AP3D1: variants seen among roughly 807,000 people sequenced by gnomAD.
AP3D1 encodes AP-3 complex subunit delta-1.
A neutral mutation model predicts 147.6 loss-of-function variants in AP3D1; 51 were observed. The observed-to-expected ratio is 0.35, with a 90% confidence interval of 0.28 to 0.44. AP3D1 has a LOEUF of 0.44. AP3D1 is among the 20% of genes least tolerant of loss of function. The pLI, the probability that AP3D1 is intolerant of heterozygous loss-of-function variation, is 1.00. For missense variants in AP3D1, 1,421 were observed against 1,624.2 expected, an observed-to-expected ratio of 0.87 and a Z score of 2.15; for synonymous variants, 760 against 663.0, an observed-to-expected ratio of 1.15 and a Z score of -2.25.
intron 1 of AP3D1, among the ~76,000 whole-genome samples, chr19:2,141,628 G>A (rs1027972180): frequency 6.6e-6 from 1 of 151,880 alleles, no homozygotes; most frequent in South Asian, 2.1e-4. Context: ...TTTTAGCAGA[G>A]ACAGGATTTC....
intron 1 of AP3D1, among the ~76,000 whole-genome samples, chr19:2,150,979 C>T (rs2144581588): frequency 6.6e-6 from 1 of 152,366 alleles, no homozygotes; most frequent in African/African-American, 2.4e-5. Context: ...AACAGCGCTT[C>T]CCCCAGGTGA....
intron 9 of AP3D1, among the ~76,000 whole-genome samples, chr19:2,126,756 A>G (rs2018769493): frequency 6.6e-6 from 1 of 152,100 alleles, no homozygotes; most frequent in African/African-American, 2.4e-5. Flanking sequence ...GGAGTGCTTT[A>G]AAGTCTCAGA....
chr19:2,132,176 C>A (rs1207924917), intron 5 of AP3D1, among the ~76,000 whole-genome samples: 1 of 152,132 alleles, frequency 6.6e-6, no homozygotes, highest in African/African-American at 2.4e-5. Context: ...GCAGCTCAGA[C>A]AGGAGCCACT....
chr19:2,116,900 G>A (rs1450128963), intron 16 of AP3D1, 154 bp from the exon 17 acceptor site: 65 of 1,094,302 alleles, frequency 5.9e-5, no homozygotes, highest in Non-Finnish European at 8.1e-5. Context: ...AGGTGTCACT[G>A]CCCCTTAAGA....
At chr19:2,164,537 G>A (rs1299575914), upstream of AP3D1, 1 of 285,506 alleles carries the variant, frequency 3.5e-6, no homozygotes, top group East Asian at 5.5e-5. Flanking sequence ...GGGCTGTCCC[G>A]GGCGCGGAAC....
rs901344583 is a variant in AP3D1 at position 2,110,185 on chromosome 19, C to T, written c.3215G>A (p.Ser1072Asn). 9 of 1,612,722 alleles carry T rather than the reference C, an allele frequency of 5.6e-6. No homozygotes were observed. In the African/African-American group the frequency reaches 6.7e-5, roughly 12 times the overall value. Residue 1072 changes from serine (S) to asparagine (N), a missense_variant, in exon 28 of 32, where the codon AGC becomes AAC. Physicochemically the swap from Ser to Asn is conservative, Grantham distance 46. This residue lies in a region of AP3D1 where 791 missense variants were observed against 761.4 expected (regional missense o/e 1.04). Transcript: ENST00000643116. Reference sequence around the variant, plus strand: ...CTTGAGCTTCTGCGCCATGACGATGCTCTGGATGGTGAACACATACTGGGC... The same window carrying T: ...CTTGAGCTTCTGCGCCATGACGATGTTCTGGATGGTGAACACATACTGGGC... ...NEAQYVFTIQ[S>N]IVMAQKLKGT...
At position 2,114,799 on chromosome 19, in the gene AP3D1, T is replaced by A; in HGVS notation, c.2372A>T (p.Asp791Val). 1 of 1,614,074 alleles carries A rather than the reference T, an allele frequency of 6.2e-7. No homozygotes were observed. Among genetic ancestry groups the A allele is most frequent in the Non-Finnish European group, 8.5e-7 (1 of 1,179,972 alleles). ...MPENALPSDEDDKDPNDPYRA... is the reference protein window; with the variant it reads ...MPENALPSDEVDKDPNDPYRA... ...GTAGGGGTCGTTGGGGTCTTTGTCATCCTCGTCGCTGGGCAGAGCATTCTG... is the reference window on the plus strand; with the variant it reads ...GTAGGGGTCGTTGGGGTCTTTGTCAACCTCGTCGCTGGGCAGAGCATTCTG... Residue 791 changes from aspartate (D) to valine (V), a missense_variant, in exon 21 of 32, where the codon GAT (aspartate) becomes GTT (valine). Physicochemically the swap from Asp to Val is radical, Grantham distance 152 (BLOSUM62 -3). Around this residue, in one of 6 missense-constraint regions of AP3D1, gnomAD observed 791 missense variants for 761.4 expected, o/e 1.04. Transcript: ENST00000643116.
At chr19:2,155,494 C>G (rs907781221), upstream of AP3D1, among the ~76,000 whole-genome samples, 335 of 138,802 alleles carry the variant, frequency 2.4e-3, 5 homozygotes, top group African/African-American at 8.2e-3. Context: ...AAATTGTGCC[C>G]CTGCACTCCA....
chr19:2,113,648 G>C (rs1003177472), intron 22 of AP3D1, among the ~76,000 whole-genome samples: 7 of 152,258 alleles, frequency 4.6e-5, no homozygotes, highest in African/African-American at 9.6e-5. Context: ...GGGTGGGTGT[G>C]TGCCATTCCA....
rs1461060052 is a variant in AP3D1 at position 2,115,426 on chromosome 19, C to G, written c.2150-8G>C. The G allele has an allele frequency of 6.2e-7, 1 of 1,607,286 alleles. No individual in the cohort carries two copies. The highest frequency in any genetic ancestry group is 1.1e-5 in the South Asian group (1 of 91,068). ...GATCTGACATAGGCAGCCCTGCGGG[C>G]CGGCAGCGGGCAGCCACTCAGCACT... On this transcript the variant is annotated splice_polypyrimidine_tract_variant and splice_region_variant and intron_variant, in intron 19 of 31. Coordinates refer to ENST00000643116, the MANE Select transcript of AP3D1 (RefSeq NM_001261826.3).
chr19:2,142,476 G>A (rs1056164488), intron 1 of AP3D1, among the ~76,000 whole-genome samples: 6 of 152,176 alleles, frequency 3.9e-5, no homozygotes, highest in African/African-American at 1.4e-4. Context: ...TTAAACTTCC[G>A]ATTCTCAGTC....
intron 1 of AP3D1, among the ~76,000 whole-genome samples, chr19:2,162,640 C>T (rs2385543): frequency 0.14 from 21,174 of 150,392 alleles, 1,613 homozygotes; most frequent in East Asian, 0.24. Flanking sequence ...CCAGCCTGGG[C>T]GACAGAGCGA....
intron 6 of AP3D1, among the ~76,000 whole-genome samples, chr19:2,130,205 A>G (rs2018899253): frequency 6.6e-6 from 1 of 152,104 alleles, no homozygotes; most frequent in Admixed American, 6.6e-5. Context: ...CAGCTGCCAC[A>G]TTGGATCTTA....
rs897758707 is a variant in AP3D1, at chr19:2,130,298, G to C, written c.592+110C>G. On this transcript the variant is annotated intron_variant, in intron 6 of 31. Coordinates refer to ENST00000643116, the MANE Select transcript of AP3D1 (RefSeq NM_001261826.3). Reference sequence around the variant, plus strand: ...CCTCCAACAGGCATGTTCCTGGACTGAGCCCTTCACCACTCCCCGCAGCAC... The same window carrying C: ...CCTCCAACAGGCATGTTCCTGGACTCAGCCCTTCACCACTCCCCGCAGCAC... The C allele has an allele frequency of 4.0e-6, 6 of 1,503,890 alleles. No individual in the cohort carries two copies. The East Asian group carries it at 1.4e-4, about 36-fold the overall frequency. 93.2% of individuals were successfully genotyped at this position (1,503,890 alleles called of 1,614,324 possible).
At chr19:2,163,227 C>A (rs1265745049) in intron 1 of AP3D1, among the ~76,000 whole-genome samples, 2 of 152,078 alleles carry the variant, frequency 1.3e-5, no homozygotes, top group African/African-American at 2.4e-5. Context: ...GCGCCCGCCA[C>A]CGCGCCCAGC....
Position 2,115,577 on chromosome 19 carries a change from C to T in AP3D1, c.2110G>A (p.Val704Met), listed in dbSNP as rs372194442. 17 of 1,613,122 alleles carry T rather than the reference C, an allele frequency of 1.1e-5. No individual in the cohort carries two copies. Among genetic ancestry groups the T allele is most frequent in the Non-Finnish European group, 1.4e-5 (17 of 1,179,872 alleles). ...GGGACGGAGAGGTCAATCTGCACCACGGGAATGTGCTCCACGCCCGGGGTG... is the reference window on the plus strand; with the variant it reads ...GGGACGGAGAGGTCAATCTGCACCATGGGAATGTGCTCCACGCCCGGGGTG... ...QDTPGVEHIP[V>M]VQIDLSVPLK... The change falls in exon 19 of 32, where the codon GTG (valine) becomes ATG (methionine). Residue 704 changes from valine to methionine, a missense_variant. Coordinates refer to ENST00000643116, the MANE Select transcript of AP3D1 (RefSeq NM_001261826.3).
intron 1 of AP3D1, among the ~76,000 whole-genome samples, chr19:2,147,737 T>C (rs895321215): frequency 1.6e-4 from 24 of 148,908 alleles, no homozygotes; most frequent in South Asian, 4.2e-4. Flanking sequence ...CTACTAAAAA[T>C]ACAAAAATTA....
At position 2,161,926 on chromosome 19, in the gene AP3D1, C is replaced by A. The variant is rs190572369; in HGVS notation, c.-103+2430G>T. 6.0e-5 allele frequency among the ~76,000 whole-genome samples: 9 copies of A among 150,746 alleles called. No homozygotes were observed. The South Asian group carries it at 1.9e-3, about 32-fold the overall frequency. ...ATCCCAGTCACTACTCCAGCCTAGGCGAGAGTAAGACTATGTCAATAAATA... is the reference window on the plus strand; with the variant it reads ...ATCCCAGTCACTACTCCAGCCTAGGAGAGAGTAAGACTATGTCAATAAATA... On this transcript the variant is annotated intron_variant, in intron 1 of 14. Transcript: ENST00000643010.
intron 11 of AP3D1, among the ~76,000 whole-genome samples, chr19:2,122,389 C>A (rs942834413): frequency 6.6e-6 from 1 of 152,218 alleles, no homozygotes; most frequent in African/African-American, 2.4e-5. Context: ...AACCCATTCA[C>A]ATACTGCCAT....
Sources: gnomAD v4.1 joint callset for allele counts (sites outside exome capture counted in the v4.1 genomes callset) on GRCh38, gnomAD v4.1.1 for gene constraint, gnomAD v4.1.1 regional missense constraint, MANE v1.5 for transcripts, NCBI Gene and HGNC (gene_info 2026-07-23, HGNC 2026-07-21) for gene names.